Variants in KLHL20 observed in about 807,000 individuals in gnomAD.
KLHL20 encodes the protein kelch-like protein 20.
KLHL20 carries 29 observed loss-of-function variants against 69.5 expected under a neutral mutation model. The observed-to-expected ratio is 0.42, with a 90% CI of 0.31 to 0.57. KLHL20 has a LOEUF of 0.57. Among genes scored for constraint, KLHL20 ranks in the 20% least tolerant of loss-of-function variants. The pLI is 0.18. For missense variants in KLHL20, 419 were observed against 776.0 expected, an observed-to-expected ratio of 0.54 and a Z score of 5.47; for synonymous variants, 253 against 265.2, an observed-to-expected ratio of 0.95 and a Z score of 0.45.
At chr1:173,757,558 G>A (rs10912683) in intron 7 of KLHL20, among the ~76,000 whole-genome samples, 11,263 of 151,288 alleles carry the variant, frequency 0.074, 1,383 homozygotes, top group African/African-American at 0.25. Flanking sequence ...CCAGCTACTC[G>A]GGAGGCTGAG....
intron 10 of KLHL20, among the ~76,000 whole-genome samples, chr1:173,776,193 G>A (rs1321113452): frequency 6.6e-6 from 1 of 152,134 alleles, no homozygotes; most frequent in Non-Finnish European, 1.5e-5. Flanking sequence ...CAGATGTTGA[G>A]CACCTTTTCA....
rs563486916 is a variant in KLHL20, at chr1:173,769,146, T to C, written c.1295+2857T>C. ...CAGACAATTCTTTGTTGTGGGGGAC[T>C]GTCCTGTGCATTGTAGGATGTTTAA... is the stretch of plus-strand genomic sequence containing the variant. On this transcript the variant is annotated intron_variant, in intron 8 of 11. Transcript: ENST00000209884. Among the ~76,000 whole-genome samples, 31 of 152,314 alleles carry C rather than the reference T, an allele frequency of 2.0e-4. 1 individual carries two copies. The South Asian group carries it at 6.2e-3, about 31-fold the overall frequency.
At chr1:173,723,126 C>G (rs184266333) in intron 2 of KLHL20, among the ~76,000 whole-genome samples, 370 of 152,308 alleles carry the variant, frequency 2.4e-3, no homozygotes, top group Non-Finnish European at 3.8e-3. Flanking sequence ...GACAATAACA[C>G]TTTACTTTCA....
At position 173,727,494 on chromosome 1, in the gene KLHL20, CAGAG is replaced by C. The variant is rs547534592; in HGVS notation, c.24-6215_24-6212del. ...TGAAGGAAAAAATGTTAAGGGCAGC[CAGAG>C]AGAAAGGTCAGGTAACCCACAAAGG... On this transcript the variant is annotated intron_variant, in intron 2 of 11. Coordinates refer to ENST00000209884, the MANE Select transcript of KLHL20 (RefSeq NM_014458.4). 1.3e-3 allele frequency among the ~76,000 whole-genome samples: 197 copies of C among 152,206 alleles called. 2 individuals are homozygous for C. The highest frequency in any genetic ancestry group is 4.4e-3 in the African/African-American group (181 of 41,530).
intron 8 of KLHL20, 142 bp downstream of exon 8, chr1:173,766,431 A>G (rs56048122): frequency 0.29 from 144,801 of 502,888 alleles, 23,354 homozygotes; most frequent in African/African-American, 0.5. Flanking sequence ...GATTGCTTGA[A>G]CTCAGGAGTT....
At chr1:173,748,332 TAAAAG>T (rs1673162202) in intron 3 of KLHL20, among the ~76,000 whole-genome samples, 1 of 152,048 alleles carries the variant, frequency 6.6e-6, no homozygotes, top group African/African-American at 2.4e-5. Flanking sequence ...CCACAGACAC[TAAAAG>T]AAAACTACAG....
chr1:173,717,408 A>G (rs1314763025), intron 2 of KLHL20, among the ~76,000 whole-genome samples: 1 of 152,194 alleles, frequency 6.6e-6, no homozygotes, highest in African/African-American at 2.4e-5. Context: ...TCGTTAAGCT[A>G]CGGCTCTTTC....
chr1:173,743,757 A>G (rs369699176), intron 3 of KLHL20, among the ~76,000 whole-genome samples: 42 of 151,768 alleles, frequency 2.8e-4, no homozygotes, highest in Non-Finnish European at 4.0e-4. Context: ...TCCTATTTCT[A>G]TGTCTTTCTT....
intron 4 of KLHL20, 112 bp downstream of exon 4, chr1:173,752,034 G>C: frequency 1.1e-6 from 1 of 934,408 alleles, no homozygotes; most frequent in Middle Eastern, 3.1e-4. Context: ...TCAAGAGATC[G>C]AGACCATCCT....
At chr1:173,717,991 C>T (rs1671541049) in intron 2 of KLHL20, among the ~76,000 whole-genome samples, 1 of 152,164 alleles carries the variant, frequency 6.6e-6, no homozygotes, top group Admixed American at 6.5e-5. Context: ...ATTGCTGACC[C>T]CAGTTCCCAA....
intron 3 of KLHL20, among the ~76,000 whole-genome samples, chr1:173,737,896 T>A (rs1354889962): frequency 6.6e-6 from 1 of 152,164 alleles, no homozygotes; most frequent in Non-Finnish European, 1.5e-5. Flanking sequence ...TTCAGCAGTG[T>A]TTTGGTAGAG....
At chr1:173,744,479 T>C (rs1199743536) in intron 3 of KLHL20, among the ~76,000 whole-genome samples, 2 of 152,110 alleles carry the variant, frequency 1.3e-5, no homozygotes, top group African/African-American at 4.8e-5. Flanking sequence ...AATACAAAAG[T>C]TTTTGGTTTT....
At chr1:173,743,982 T>C (rs1672948446) in intron 3 of KLHL20, among the ~76,000 whole-genome samples, 1 of 152,158 alleles carries the variant, frequency 6.6e-6, no homozygotes, top group South Asian at 2.1e-4. Flanking sequence ...ACATCTTATA[T>C]GAACATGTCA....
chr1:173,724,049 A>T lies in KLHL20; in HGVS notation c.23+7983A>T, dbSNP rs528739870. 2.6e-5 allele frequency among the ~76,000 whole-genome samples: 4 copies of T among 152,206 alleles called. No homozygotes were observed. The East Asian group carries it at 7.7e-4, about 29-fold the overall frequency. On this transcript the variant is annotated intron_variant, in intron 2 of 11. Coordinates refer to ENST00000209884, the MANE Select transcript of KLHL20 (RefSeq NM_014458.4). ...CATATTTTATGTATACATTTTGATG[A>T]GTTTGGGCATATGTATATACCCATG...
intron 10 of KLHL20, among the ~76,000 whole-genome samples, chr1:173,780,315 T>C (rs1274906447): frequency 6.6e-6 from 1 of 152,232 alleles, no homozygotes; most frequent in African/African-American, 2.4e-5. Flanking sequence ...CAGCTAACTA[T>C]AATAAATAAA....
chr1:173,747,086 T>G (rs960261236), intron 3 of KLHL20, among the ~76,000 whole-genome samples: 3 of 152,066 alleles, frequency 2.0e-5, no homozygotes, highest in Non-Finnish European at 4.4e-5. Flanking sequence ...TTCTACTCTA[T>G]GAAATTTGCT....
At chr1:173,735,667 A>G (rs917273503) in intron 3 of KLHL20, among the ~76,000 whole-genome samples, 2 of 152,044 alleles carry the variant, frequency 1.3e-5, no homozygotes, top group African/African-American at 4.8e-5. Flanking sequence ...TAAGTTCTTC[A>G]TTGATGATTT....
chr1:173,757,669 A>G (rs1025791242), intron 7 of KLHL20, among the ~76,000 whole-genome samples: 16 of 151,684 alleles, frequency 1.1e-4, no homozygotes, highest in Non-Finnish European at 2.2e-4. Flanking sequence ...CTTCTCAAAA[A>G]AAAAAAAAAA....
In KLHL20 at chr1:173,751,815, A is replaced by G. The variant is rs369697547; in HGVS notation, c.649A>G (p.Ile217Val). 5 of 1,614,000 alleles carry G rather than the reference A, an allele frequency of 3.1e-6. No homozygotes were observed. In the African/African-American group the frequency reaches 5.3e-5, roughly 17 times the overall value. Residue 217 changes from isoleucine (I) to valine (V), a missense_variant, in exon 4 of 12, where the codon ATA becomes GTA. Around this residue, in one of 6 missense-constraint regions of KLHL20, gnomAD observed 99 missense variants for 240.7 expected, o/e 0.41. Coordinates refer to ENST00000209884, the MANE Select transcript of KLHL20 (RefSeq NM_014458.4). ...GCTTCCAGCCAATCAACTCATTGAT[A>G]TAATATCCAGTGATGAGCTAAACGT... Reference protein sequence around the residue: ...MLLPANQLIDIISSDELNVRS... With the variant: ...MLLPANQLIDVISSDELNVRS...
Sources: gnomAD v4.1 joint callset for allele counts (sites outside exome capture counted in the v4.1 genomes callset) on GRCh38, gnomAD v4.1.1 for gene constraint, gnomAD v4.1.1 regional missense constraint, MANE v1.5 for transcripts, NCBI Gene and HGNC (gene_info 2026-07-23, HGNC 2026-07-21) for gene names.